Variants in NCAPD3 observed in about 807,000 individuals in gnomAD.
NCAPD3 encodes the protein non-SMC condensin II complex subunit D3.
NCAPD3 carries 105 observed loss-of-function variants against 182.9 expected under a neutral mutation model. The ratio of observed to expected loss-of-function variants is 0.57; its 90% confidence interval spans 0.49 to 0.68. The LOEUF (loss-of-function observed/expected upper bound fraction) is 0.68. NCAPD3 is among the 30% of genes least tolerant of loss of function. The pLI is 0.00. For missense variants in NCAPD3, 1,944 were observed against 1,837.0 expected (o/e 1.06, Z -1.07); for synonymous variants, 815 against 679.9 (o/e 1.20, Z -3.09).
In NCAPD3 at chr11:134,177,211, C is replaced by CG; in HGVS notation, c.3021+7_3021+8insC. 6.2e-7 allele frequency: 1 copy of CG among 1,602,384 alleles called. No homozygotes were observed. Among genetic ancestry groups the CG allele is most frequent in the Non-Finnish European group, 8.6e-7 (1 of 1,169,288 alleles). On this transcript the variant is annotated splice_region_variant and intron_variant, in intron 23 of 34. Transcript: ENST00000534548. ...AGGGGAAAGGACAGATTGAACCCCC[C>CG]TACGCACCTGCAAGAGATTGGTAAG...
At chr11:134,182,590 G>A (rs1014906202) in intron 19 of NCAPD3, among the ~76,000 whole-genome samples, 1 of 152,064 alleles carries the variant, frequency 6.6e-6, no homozygotes, top group Non-Finnish European at 1.5e-5. Flanking sequence ...ACACTTCTCT[G>A]TAAATTTGTC....
chr11:134,182,903 C>T, intron 19 of NCAPD3: 1 of 296,454 alleles, frequency 3.4e-6, no homozygotes, highest in Non-Finnish European at 6.8e-6. Context: ...ATCTCAGGGC[C>T]TTGCTCCTCT....
intron 3 of NCAPD3, 134 bp downstream of exon 3, chr11:134,216,802 C>T (rs528251583): frequency 1.7e-5 from 14 of 811,786 alleles, no homozygotes; most frequent in Admixed American, 1.0e-4. Flanking sequence ...ACTTGCTCCT[C>T]GCAACAACTC....
rs1262530557 is a variant in NCAPD3, at chr11:134,194,083, T to C, written c.1757A>G (p.Asp586Gly). 6.2e-7 allele frequency: 1 copy of C among 1,614,034 alleles called. No homozygotes were observed. Among genetic ancestry groups the C allele is most frequent in the South Asian group, 1.1e-5 (1 of 91,086 alleles). ...GMKEDLWILQDQCRDPAVSVR... is the reference protein window; with the variant it reads ...GMKEDLWILQGQCRDPAVSVR... ...AGACACTGCAGGGTCCCGACACTGG[T>C]CCTGCAGAATCCACAGGTCTTCCTT... The change falls in exon 15 of 35, where the codon GAC becomes GGC. Residue 586 changes from aspartate (D) to glycine (G), a missense_variant. Transcript: ENST00000534548.
rs754384438 is a variant in NCAPD3, at chr11:134,204,088, A to G, written c.1173T>C (p.Ala391=). 3.1e-6 allele frequency: 5 copies of G among 1,614,038 alleles called. No homozygotes were observed. The African/African-American group carries it at 5.3e-5, about 17-fold the overall frequency. ...LLSKLPCGEY[A]MFIAWLYKYS... The stretch of plus-strand genomic sequence containing the variant: ...ATTTGTAAAGCCAGGCAATGAACAT[A>G]GCGTATTCCCCACAAGGAAGTTTAC... The change falls in exon 10 of 35, where the codon GCT becomes GCC. Residue 391 remains alanine, a synonymous_variant. Transcript: ENST00000534548. This position sits in a 1 kb window ranked among gnomAD's most constrained non-coding sequence, Gnocchi z 4.3.
intron 32 of NCAPD3, chr11:134,153,674 C>G (rs530168401): frequency 6.9e-6 from 3 of 436,652 alleles, no homozygotes; most frequent in African/African-American, 6.0e-5. Context: ...GGTGACCGCC[C>G]TGTCCCACTT....
intron 28 of NCAPD3, 56 bp downstream of exon 28, chr11:134,161,725 T>G (rs1481301001): frequency 9.6e-7 from 1 of 1,042,030 alleles, no homozygotes; most frequent in Non-Finnish European, 1.5e-6. Context: ...TGGCAGAAGA[T>G]CCTAAGTAAT....
intron 16 of NCAPD3, among the ~76,000 whole-genome samples, chr11:134,190,260 A>G (rs1944495776): frequency 6.6e-6 from 1 of 152,154 alleles, no homozygotes; most frequent in East Asian, 1.9e-4. Flanking sequence ...CTCCTATCCA[A>G]TGCTAGAAAT....
At chr11:134,155,782 G>A (rs1017752132) in intron 32 of NCAPD3, among the ~76,000 whole-genome samples, 1 of 149,964 alleles carries the variant, frequency 6.7e-6, no homozygotes, top group Admixed American at 6.7e-5. Context: ...ACAGAACATC[G>A]CACCTGTCCA....
chr11:134,212,334 C>T (rs1182192098), intron 3 of NCAPD3, among the ~76,000 whole-genome samples: 2 of 151,446 alleles, frequency 1.3e-5, no homozygotes, highest in East Asian at 1.9e-4. Context: ...AAAAATAACA[C>T]ACAAGAGGAG....
chr11:134,163,396 T>C (rs1403131982), intron 27 of NCAPD3, among the ~76,000 whole-genome samples: 1 of 151,974 alleles, frequency 6.6e-6, no homozygotes, highest in African/African-American at 2.4e-5. Flanking sequence ...ATGATCAAAT[T>C]TGTACTTAAG....
intron 13 of NCAPD3, among the ~76,000 whole-genome samples, 160 bp downstream of exon 13, chr11:134,202,656 T>C (rs1944772865): frequency 6.6e-6 from 1 of 151,660 alleles, no homozygotes; most frequent in Non-Finnish European, 1.5e-5. Context: ...GCTGGGATTA[T>C]GGGATTACAG....
intron 1 of NCAPD3, chr11:134,223,016 G>A: frequency 5.2e-6 from 1 of 190,792 alleles, no homozygotes; most frequent in African/African-American, 2.3e-5. Flanking sequence ...CTATGGGGTA[G>A]AGCCAAGGGA....
intron 4 of NCAPD3, chr11:134,209,733 A>C: frequency 2.5e-6 from 1 of 400,022 alleles, no homozygotes; most frequent in Admixed American, 4.2e-5. Context: ...TTTGCTGTCT[A>C]TGAAATTCTG....
Position 134,208,909 on chromosome 11 carries a change from A to G in NCAPD3, c.837T>C (p.Tyr279=). 6.2e-7 allele frequency: 1 copy of G among 1,612,962 alleles called. No homozygotes were observed. The highest frequency in any genetic ancestry group is 8.5e-7 in the Non-Finnish European group (1 of 1,179,640). The stretch of plus-strand genomic sequence containing the variant: ...TGGGAGAGCACAGCAAATACAATCC[A>G]TAATAAGCCAGTTCTGGTATGTATT... ...QAKYIPELAY[Y]GLYLLCSPIH... Residue 279 remains tyrosine (Y), a synonymous_variant, in exon 7 of 35, where the codon TAT becomes TAC. Coordinates refer to ENST00000534548, the MANE Select transcript of NCAPD3 (RefSeq NM_015261.3).
intron 19 of NCAPD3, 147 bp from the exon 20 acceptor site, chr11:134,181,331 C>A: frequency 3.4e-6 from 2 of 592,368 alleles, no homozygotes; most frequent in East Asian, 5.6e-5. Flanking sequence ...ACAATTTGTC[C>A]AAAACCACAA....
At chr11:134,193,909 T>A in intron 15 of NCAPD3, 107 bp downstream of exon 15, 1 of 1,162,728 alleles carries the variant, frequency 8.6e-7, no homozygotes, top group Non-Finnish European at 1.2e-6. Context: ...GTGGACTTAG[T>A]AGAGTTTTTA....
At chr11:134,225,284 C>T, upstream of NCAPD3, 1 of 1,614,132 alleles carries the variant, frequency 6.2e-7, no homozygotes. Context: ...GCCTTGCCCT[C>T]AAGAACCCCA....
chr11:134,179,389 T>A (rs1215597575), intron 20 of NCAPD3, among the ~76,000 whole-genome samples: 1 of 152,240 alleles, frequency 6.6e-6, no homozygotes, highest in African/African-American at 2.4e-5. Flanking sequence ...TCTGCAATGA[T>A]TACTTTGAAT....
Sources: gnomAD v4.1 joint callset for allele counts (sites outside exome capture counted in the v4.1 genomes callset) on GRCh38, gnomAD v4.1.1 for gene constraint, Gnocchi (gnomAD v3.1) non-coding constraint, MANE v1.5 for transcripts, NCBI Gene and HGNC (gene_info 2026-07-23, HGNC 2026-07-21) for gene names.